Variants in PCCA observed in about 807,000 individuals in gnomAD.
PCCA encodes the protein propionyl-CoA carboxylase subunit alpha.
A neutral mutation model predicts 101.3 loss-of-function variants in PCCA; 74 were observed. That is an observed-to-expected ratio of 0.73 (90% CI 0.61 to 0.89). The LOEUF (loss-of-function observed/expected upper bound fraction) is 0.89, where lower values mean the gene tolerates loss of function less well. Among genes scored for constraint, PCCA ranks in the 40% least tolerant of loss-of-function variants. The probability of loss-of-function intolerance (pLI) is 0.00; values close to 1 mark genes in which losing one functional copy is unlikely to be tolerated. For missense variants in PCCA, 891 were observed against 907.0 expected (o/e 0.98, Z 0.23); for synonymous variants, 294 against 313.6 (o/e 0.94, Z 0.66).
At chr13:100,243,490 C>T (rs2061268115) in intron 8 of PCCA, among the ~76,000 whole-genome samples, 2 of 152,104 alleles carry the variant, frequency 1.3e-5, no homozygotes, top group Admixed American at 1.3e-4. Flanking sequence ...GATAAACTTT[C>T]AGCAAATAGA....
At chr13:100,460,503 C>T (rs946118559) in intron 21 of PCCA, among the ~76,000 whole-genome samples, 4 of 152,114 alleles carry the variant, frequency 2.6e-5, no homozygotes, top group South Asian at 2.1e-4. Flanking sequence ...TCTTGAGAAA[C>T]GATCAAATTT....
At chr13:100,099,919 C>T (rs1244464134) in intron 1 of PCCA, among the ~76,000 whole-genome samples, 1 of 152,050 alleles carries the variant, frequency 6.6e-6, no homozygotes, top group East Asian at 1.9e-4. Context: ...GATTTGAATC[C>T]AGGTCAGAAT....
At chr13:100,176,796 G>A (rs1475167271) in intron 6 of PCCA, among the ~76,000 whole-genome samples, 2 of 152,108 alleles carry the variant, frequency 1.3e-5, no homozygotes. Flanking sequence ...TTTAACAGAG[G>A]AGCAACATGG....
chr13:100,173,252 G>A (rs2055887090), intron 6 of PCCA, among the ~76,000 whole-genome samples: 1 of 152,178 alleles, frequency 6.6e-6, no homozygotes, highest in Non-Finnish European at 1.5e-5. Flanking sequence ...ACAGTGTGCT[G>A]GTTCTGGTTG....
intron 23 of PCCA, among the ~76,000 whole-genome samples, chr13:100,528,240 A>G (rs2088029364): frequency 6.6e-6 from 1 of 152,276 alleles, no homozygotes; most frequent in African/African-American, 2.4e-5. Context: ...AAATATTAGT[A>G]CTGAAATTCA....
intron 6 of PCCA, among the ~76,000 whole-genome samples, chr13:100,158,273 A>G (rs1481976985): frequency 6.6e-6 from 1 of 152,258 alleles, no homozygotes; most frequent in African/African-American, 2.4e-5. Flanking sequence ...GTGGTGCCTC[A>G]TTGAAATATT....
intron 19 of PCCA, among the ~76,000 whole-genome samples, chr13:100,375,243 G>A (rs1017219071): frequency 1.3e-5 from 2 of 152,068 alleles, no homozygotes; most frequent in South Asian, 2.1e-4. Context: ...TGTTTGTTAC[G>A]ATTTCCATTC....
intron 4 of PCCA, among the ~76,000 whole-genome samples, chr13:100,122,220 G>C (rs1310881202): frequency 6.6e-6 from 1 of 152,104 alleles, no homozygotes; most frequent in African/African-American, 2.4e-5. Flanking sequence ...GTCATGCTGT[G>C]TAATCCTTTG....
At position 100,426,359 on chromosome 13, in the gene PCCA, G is replaced by GAA. The variant is rs397940109; in HGVS notation, c.1845+640_1845+641dup. On this transcript the variant is annotated intron_variant, in intron 20 of 23. Transcript: ENST00000376285. ...TCATATTTGAGGTTTAGCGTTTTAG[G>GAA]AAAAAAAAAAAAATCATGGAACATG... 7.0e-3 allele frequency among the ~76,000 whole-genome samples: 986 copies of GAA among 141,470 alleles called. 16 individuals carry two copies. The highest frequency in any genetic ancestry group is 0.027 in the South Asian group (119 of 4,456). 92.8% of individuals were successfully genotyped at this position (141,470 alleles called of 152,430 possible). A position where few individuals can be genotyped will look rare whatever the true frequency, so the allele number is the denominator to read the frequency against.
intron 16 of PCCA, among the ~76,000 whole-genome samples, chr13:100,325,546 A>C (rs1185257179): frequency 2.0e-5 from 3 of 152,204 alleles, no homozygotes; most frequent in Admixed American, 6.5e-5. Context: ...AGGGGGAAAA[A>C]AAAGCCACAA....
At chr13:100,523,412 A>G (rs540511154) in intron 22 of PCCA, among the ~76,000 whole-genome samples, 1 of 152,302 alleles carries the variant, frequency 6.6e-6, no homozygotes, top group East Asian at 1.9e-4. Flanking sequence ...TTGGCAGCCT[A>G]TATCCATTAG....
chr13:100,322,829 C>T (rs1595338430), intron 16 of PCCA, among the ~76,000 whole-genome samples: 1 of 152,264 alleles, frequency 6.6e-6, no homozygotes, highest in African/African-American at 2.4e-5. Flanking sequence ...CCCACCTTGA[C>T]TTCCCAAAGT....
intron 1 of PCCA, among the ~76,000 whole-genome samples, chr13:100,100,966 G>A (rs2047225849): frequency 6.6e-6 from 1 of 152,042 alleles, no homozygotes; most frequent in African/African-American, 2.4e-5. Context: ...ACCATGCCCA[G>A]CTAATTTTGT....
chr13:100,180,511 A>G (rs1036800230), intron 6 of PCCA, among the ~76,000 whole-genome samples: 7 of 152,216 alleles, frequency 4.6e-5, no homozygotes, highest in African/African-American at 1.7e-4. Context: ...AAACAGCCCC[A>G]TAAGACAACC....
At chr13:100,149,657 T>G (rs564927526) in intron 4 of PCCA, 20 of 152,350 alleles carry the variant, frequency 1.3e-4, no homozygotes, top group African/African-American at 4.1e-4. Context: ...CTACCCAGTG[T>G]CTTGCATTGA....
intron 7 of PCCA, among the ~76,000 whole-genome samples, chr13:100,229,743 CCT>C (rs1296928622): frequency 1.3e-5 from 2 of 152,168 alleles, no homozygotes; most frequent in African/African-American, 2.4e-5. Context: ...TATAAATGAC[CCT>C]GTCTCCTTTG....
intron 18 of PCCA, among the ~76,000 whole-genome samples, chr13:100,345,688 A>C (rs1028458096): frequency 1.3e-5 from 2 of 152,232 alleles, no homozygotes; most frequent in East Asian, 3.8e-4. Context: ...ACAGCCTTCT[A>C]TTGAAAGAAG....
intron 20 of PCCA, among the ~76,000 whole-genome samples, chr13:100,428,331 CT>C (rs2079305772): frequency 1.6e-4 from 13 of 83,820 alleles, no homozygotes; most frequent in African/African-American, 5.4e-4. Context: ...CCGACCCCCC[CT>C]ACCCCCCACC....
rs556193036 is a variant in PCCA, at chr13:100,169,427, C to T, written c.468+12087C>T. Among the ~76,000 whole-genome samples, 5 of 112,592 alleles carry T rather than the reference C, an allele frequency of 4.4e-5. No homozygotes were observed. The South Asian group carries it at 1.4e-3, about 32-fold the overall frequency. 73.9% of individuals were successfully genotyped at this position (112,592 alleles called of 152,430 possible). On this transcript the variant is annotated intron_variant, in intron 6 of 23. Transcript: ENST00000376285. Reference sequence around the variant, plus strand: ...CTACACTCCAGCCTGGGCGACAGAGCGAGACTGTCTCAAAAAAAAAAAAAA... The same window carrying T: ...CTACACTCCAGCCTGGGCGACAGAGTGAGACTGTCTCAAAAAAAAAAAAAA...
Sources: allele counts gnomAD v4.1 joint callset (sites outside exome capture counted in the v4.1 genomes callset), GRCh38; gene constraint gnomAD v4.1.1; transcripts MANE v1.5; gene names NCBI Gene and HGNC (gene_info 2026-07-23, HGNC 2026-07-21).